Variants in PZP observed in about 807,000 individuals in gnomAD.
PZP encodes pregnancy zone protein.
PZP carries 150 observed loss-of-function variants against 179.8 expected under a neutral mutation model. The ratio of observed to expected loss-of-function variants is 0.83; its 90% CI spans 0.73 to 0.96. The LOEUF is 0.96. Among genes scored for constraint, PZP ranks in the 40% least tolerant of loss-of-function variants. The probability of loss-of-function intolerance (pLI) is 0.00; values close to 1 mark genes in which losing one functional copy is unlikely to be tolerated. For synonymous variants in PZP, 624 were observed against 652.3 expected (o/e 0.96, Z 0.66); for missense variants, 1,689 against 1,764.0 (o/e 0.96, Z 0.76).
intron 13 of PZP, among the ~76,000 whole-genome samples, chr12:9,185,113 A>G (rs1420242824): frequency 1.3e-5 from 2 of 152,234 alleles, no homozygotes; most frequent in African/African-American, 4.8e-5. Flanking sequence ...AATTCAGACT[A>G]TGGATAGGAA....
intron 1 of PZP, among the ~76,000 whole-genome samples, chr12:9,207,865 A>G (rs948082972): frequency 2.0e-5 from 3 of 152,224 alleles, no homozygotes; most frequent in Non-Finnish European, 2.9e-5. Context: ...GACTTGATAC[A>G]TGATTGAAAA....
chr12:9,162,279 A>G (rs1565630595), intron 22 of PZP: 2 of 238,376 alleles, frequency 8.4e-6, no homozygotes, highest in South Asian at 1.0e-4. Flanking sequence ...CTCTCTTTCT[A>G]CCTCATCCTG....
the PZP span, among the ~76,000 whole-genome samples, chr12:9,138,627 C>T: frequency 6.6e-6 from 1 of 151,908 alleles, no homozygotes; most frequent in Non-Finnish European, 1.5e-5. Context: ...CTATCTGATC[C>T]TGGGTTTTTA....
rs752618244 is a variant in PZP at position 9,169,615 on chromosome 12, G to A, written c.1840-24C>T. The stretch of plus-strand genomic sequence containing the variant: ...ACCTGTAGCAGTGGGGGGATCAAAG[G>A]CAGAACTGTTACTTACTTTTCTTTT... On this transcript the variant is annotated intron_variant, in intron 15 of 35. Coordinates refer to ENST00000261336, the MANE Select transcript of PZP (RefSeq NM_002864.3). 17 of 1,556,282 alleles carry A rather than the reference G, an allele frequency of 1.1e-5. 3 individuals carry two copies. In the South Asian group the frequency reaches 1.4e-4, roughly 12 times the overall value.
At chr12:9,179,889 T>A (rs1942640980) in intron 15 of PZP, among the ~76,000 whole-genome samples, 1 of 152,224 alleles carries the variant, frequency 6.6e-6, no homozygotes, top group South Asian at 2.1e-4. Flanking sequence ...ATAGAAGGAA[T>A]CAAAGTTGCA....
In PZP at chr12:9,201,314, T is replaced by G. The variant is rs751228950; in HGVS notation, c.501+13A>C. ...CACTAATTTCCTTATAAGATACTTT[T>G]TCTGATACTTACCTCAAGGTATATC... On this transcript the variant is annotated intron_variant, in intron 5 of 35. Transcript: ENST00000261336. 2.0e-6 allele frequency: 3 copies of G among 1,532,082 alleles called. No individual in the cohort carries two copies. Among genetic ancestry groups the G allele is most frequent in the Non-Finnish European group, 2.7e-6 (3 of 1,108,724 alleles). 94.9% of individuals were successfully genotyped at this position (1,532,082 alleles called of 1,614,324 possible).
intron 17 of PZP, 68 bp downstream of exon 17, chr12:9,168,800 AT>A: frequency 1.7e-6 from 2 of 1,202,742 alleles, no homozygotes; most frequent in Admixed American, 3.6e-5. Context: ...ACATTACCTC[AT>A]TTTAGCATTT....
intron 16 of PZP, 48 bp downstream of exon 16, chr12:9,169,382 A>C (rs1941823482): frequency 3.4e-6 from 5 of 1,471,628 alleles, no homozygotes; most frequent in Non-Finnish European, 4.6e-6. Context: ...TTTTATTAAC[A>C]TTCAAAAACT....
In PZP at chr12:9,154,952, A is replaced by C. The variant is rs1169819275; in HGVS notation, c.3551-113T>G. ...GAGCTGAAAATAATACAGGAGAAGCAAGGTCTTCTATGTCATAAACTCCTA... is the reference window on the plus strand; with the variant it reads ...GAGCTGAAAATAATACAGGAGAAGCCAGGTCTTCTATGTCATAAACTCCTA... On this transcript the variant is annotated intron_variant, in intron 28 of 35. Transcript: ENST00000261336. The C allele has an allele frequency of 3.7e-6, 4 of 1,086,534 alleles. No individual in the cohort carries two copies. The African/African-American group carries it at 6.4e-5, about 17-fold the overall frequency. The allele number at this position is 1,086,534 out of a possible 1,614,324, so 67.3% of individuals were successfully genotyped here.
At chr12:9,168,698 T>C in intron 17 of PZP, 171 bp downstream of exon 17, 1 of 525,884 alleles carries the variant, frequency 1.9e-6, no homozygotes, top group South Asian at 3.4e-5. Flanking sequence ...AAATCTCTGA[T>C]CAGTTCTAGC....
At chr12:9,200,301 C>A in intron 7 of PZP, 63 bp downstream of exon 7, 2 of 1,102,856 alleles carry the variant, frequency 1.8e-6, no homozygotes, top group Non-Finnish European at 2.6e-6. Flanking sequence ...TAATTTTGTA[C>A]CTACATAATC....
At chr12:9,161,196 T>C in intron 22 of PZP, 80 bp from the exon 23 acceptor site, 1 of 1,206,250 alleles carries the variant, frequency 8.3e-7, no homozygotes. Flanking sequence ...TAGTGAGAGC[T>C]TCAGAGCCAC....
intron 25 of PZP, among the ~76,000 whole-genome samples, chr12:9,158,870 G>C (rs997730511): frequency 6.8e-6 from 1 of 146,034 alleles, no homozygotes; most frequent in Non-Finnish European, 1.5e-5. Context: ...CAGTTTTCTT[G>C]GTTGGTTAAC....
At chr12:9,148,010 C>T (rs1442124550), downstream of PZP, among the ~76,000 whole-genome samples, 1 of 150,982 alleles carries the variant, frequency 6.6e-6, no homozygotes, top group Non-Finnish European at 1.5e-5. Flanking sequence ...GATTTTTTTT[C>T]TCTCCATAAA....
At position 9,201,052 on chromosome 12, in the gene PZP, T is replaced by C; in HGVS notation, c.510A>G (p.Arg170=). The change falls in exon 6 of 36, where the codon AGA becomes AGG. Residue 170 remains arginine (R), a synonymous_variant. Coordinates refer to ENST00000261336, the MANE Select transcript of PZP (RefSeq NM_002864.3). ...LIPLIYLENP[R]RNRIAQWQSL... Reference sequence around the variant, plus strand: ...TCTGCCATTGTGCAATTCGATTTCTTCTTGGGTTCTGAAGGGAAACAAGAA... The same window carrying C: ...TCTGCCATTGTGCAATTCGATTTCTCCTTGGGTTCTGAAGGGAAACAAGAA... 1 of 1,614,020 alleles carries C rather than the reference T, an allele frequency of 6.2e-7. No individual in the cohort carries two copies. The highest frequency in any genetic ancestry group is 8.5e-7 in the Non-Finnish European group (1 of 1,179,954).
chr12:9,151,988 C>T (rs1669093522), intron 32 of PZP, among the ~76,000 whole-genome samples: 1 of 152,096 alleles, frequency 6.6e-6, no homozygotes, highest in Non-Finnish European at 1.5e-5. Flanking sequence ...GCTTTAAATT[C>T]CTGACTAAAC....
chr12:9,151,550 T>A, intron 33 of PZP, 54 bp downstream of exon 33: 3 of 1,437,562 alleles, frequency 2.1e-6, no homozygotes, highest in Non-Finnish European at 2.9e-6. Context: ...GTAAAGAGAC[T>A]CACTTAGAAA....
At chr12:9,162,355 G>T (rs756113635) in intron 22 of PZP, 107 of 447,524 alleles carry the variant, frequency 2.4e-4, no homozygotes, top group African/African-American at 1.9e-3. Context: ...AGGTAAAAGG[G>T]CTACGTATGA....
At chr12:9,204,226 G>A (rs1200713709) in intron 1 of PZP, among the ~76,000 whole-genome samples, 1 of 152,158 alleles carries the variant, frequency 6.6e-6, no homozygotes, top group Non-Finnish European at 1.5e-5. Context: ...GCTGTAAAGA[G>A]CAGTCTGAGC....
Sources: allele counts gnomAD v4.1 joint callset (sites outside exome capture counted in the v4.1 genomes callset), GRCh38; gene constraint gnomAD v4.1.1; transcripts MANE v1.5; gene names NCBI Gene and HGNC (gene_info 2026-07-23, HGNC 2026-07-21).